Variants in ACOT6 observed in about 807,000 individuals in gnomAD.
ACOT6 encodes acyl-coenzyme A thioesterase 6.
ACOT6 carries 14 observed loss-of-function variants against 12.3 expected under a neutral mutation model. The ratio of observed to expected loss-of-function variants is 1.14; its 90% CI spans 0.75 to 1.78. The LOEUF is 1.78. ACOT6 is among the 40% of genes most tolerant of loss of function. The pLI, the probability that ACOT6 is intolerant of heterozygous loss-of-function variation, is 0.00. For synonymous variants in ACOT6, 218 were observed against 231.3 expected (o/e 0.94, Z 0.52); for missense variants, 523 against 551.8 (o/e 0.95, Z 0.52).
upstream of ACOT6, chr14:73,612,448 A>C (rs1890458219): frequency 1.6e-6 from 1 of 629,710 alleles, no homozygotes; most frequent in African/African-American, 1.9e-5. Context: ...CCTGTCCCCA[A>C]GTCCAACCAA....
chr14:73,618,906 G>A (rs1254718798), intron 2 of ACOT6, among the ~76,000 whole-genome samples: 5 of 152,126 alleles, frequency 3.3e-5, no homozygotes, highest in South Asian at 2.1e-4. Context: ...CAAGGCAGGC[G>A]GATCACTTGA....
Position 73,612,989 on chromosome 14 carries a change from C to T in ACOT6, c.418C>T (p.Arg140Cys), listed in dbSNP as rs1338527353. ...GCCGGGGGTGCGGCGCGAGCCGGTG[C>T]GCGCGGGCCCGGTGCGCGCCGCGCT... ...LRPGVRREPV[R>C]AGPVRAALFL... The change falls in exon 1 of 3, where the codon CGC (arginine) becomes TGC (cysteine). Residue 140 changes from arginine (R) to cysteine (C), a missense_variant. Around this residue, in one of 2 missense-constraint regions of ACOT6, gnomAD observed 304 missense variants for 274.8 expected, o/e 1.11. Coordinates refer to ENST00000645972, the MANE Select transcript of ACOT6 (RefSeq NM_001365788.1). The T allele has an allele frequency of 9.4e-7, 1 of 1,064,376 alleles. No homozygotes were observed. Among genetic ancestry groups the T allele is most frequent in the Admixed American group, 3.8e-5 (1 of 26,476 alleles). 65.9% of individuals were successfully genotyped at this position (1,064,376 alleles called of 1,614,324 possible).
chr14:73,616,810 T>C (rs1395472042), intron 1 of ACOT6, 184 bp from the exon 2 acceptor site: 4 of 519,120 alleles, frequency 7.7e-6, no homozygotes, highest in African/African-American at 1.9e-5. Context: ...CTGAGTAGTA[T>C]ACATTGTACC....
chr14:73,616,875 C>T (rs1890550258), intron 1 of ACOT6, 119 bp from the exon 2 acceptor site: 2 of 572,454 alleles, frequency 3.5e-6, no homozygotes, highest in South Asian at 4.8e-5. Flanking sequence ...GAAAATAAGA[C>T]ATTTTGTTCT....
In ACOT6 at chr14:73,619,350, C is replaced by G. The variant is rs751577124; in HGVS notation, c.777C>G (p.Ala259=). ...CTGTACTTATCAATGCCTGTGTAGC[C>G]AACACAGTAGCTCCTCTACATTACA... ...TATVLINACV[A]NTVAPLHYKD... The change falls in exon 3 of 3, where the codon GCC becomes GCG. Residue 259 remains alanine, a synonymous_variant. Transcript: ENST00000645972. The G allele has an allele frequency of 6.2e-7, 1 of 1,614,076 alleles. No individual in the cohort carries two copies. Among genetic ancestry groups the G allele is most frequent in the Non-Finnish European group, 8.5e-7 (1 of 1,180,038 alleles).
chr14:73,616,001 G>C lies in ACOT6; in HGVS notation c.462-993G>C, dbSNP rs537371964. 3.9e-5 allele frequency among the ~76,000 whole-genome samples: 6 copies of C among 152,232 alleles called. No individual in the cohort carries two copies. The South Asian group carries it at 6.2e-4, about 16-fold the overall frequency. On this transcript the variant is annotated intron_variant, in intron 1 of 2. Coordinates refer to ENST00000645972, the MANE Select transcript of ACOT6 (RefSeq NM_001365788.1). Reference sequence around the variant, plus strand: ...TTGAGCCCAAGGATTCAAGGTTACAGTGATCTACAGGCTACAGTGCAGTGG... The same window carrying C: ...TTGAGCCCAAGGATTCAAGGTTACACTGATCTACAGGCTACAGTGCAGTGG...
At chr14:73,616,735 G>A (rs1286807527) in intron 1 of ACOT6, 3 of 324,336 alleles carry the variant, frequency 9.2e-6, no homozygotes, top group Admixed American at 9.7e-5. Context: ...TGGTGTACAG[G>A]TGGTTTGGGG....
rs765582946 is a variant in ACOT6 at position 73,619,803 on chromosome 14, C to G, written c.1230C>G (p.Leu410=). Residue 410 remains leucine (L), a synonymous_variant, in exon 3 of 3, where the codon CTC becomes CTG. Transcript: ENST00000645972. The stretch of plus-strand genomic sequence containing the variant: ...TTCAAACTTTCTTCCATAAACATCT[C>G]AATGGTAAAAAATCTGTCAAGCACA... The part of the protein sequence containing the change: ...QQIQTFFHKH[L]NGKKSVKHSK... The G allele has an allele frequency of 6.2e-7, 1 of 1,608,756 alleles. No homozygotes were observed.
chr14:73,617,154 T>C lies in ACOT6; in HGVS notation c.622T>C (p.Phe208Leu). Reference protein sequence around the residue: ...EDLNDVHLEYFEEAVDFMLQH... With the variant: ...EDLNDVHLEYLEEAVDFMLQH... ...TCTGAATGATGTACATCTGGAGTACTTTGAAGAAGCCGTGGACTTTATGCT... is the reference window on the plus strand; with the variant it reads ...TCTGAATGATGTACATCTGGAGTACCTTGAAGAAGCCGTGGACTTTATGCT... Residue 208 changes from phenylalanine to leucine, a missense_variant, in exon 2 of 3, where the codon TTT (phenylalanine) becomes CTT (leucine). Physicochemically the swap from Phe to Leu is conservative, Grantham distance 22 (BLOSUM62 0). Around this residue, in one of 2 missense-constraint regions of ACOT6, gnomAD observed 219 missense variants for 277.0 expected, o/e 0.79. Coordinates refer to ENST00000645972, the MANE Select transcript of ACOT6 (RefSeq NM_001365788.1). 1 of 1,614,176 alleles carries C rather than the reference T, an allele frequency of 6.2e-7. No individual in the cohort carries two copies. Among genetic ancestry groups the C allele is most frequent in the Non-Finnish European group, 8.5e-7 (1 of 1,180,032 alleles).
Position 73,616,986 on chromosome 14 carries a change from C to T in ACOT6, c.462-8C>T, listed in dbSNP as rs1054320755. On this transcript the variant is annotated splice_region_variant and splice_polypyrimidine_tract_variant and intron_variant, in intron 1 of 2. Coordinates refer to ENST00000645972, the MANE Select transcript of ACOT6 (RefSeq NM_001365788.1). ...AGCTCCCTGTGATTTGTGATGTTCTCCAGGCAGGGGGCCCTTTCCTGGGAT... is the reference window on the plus strand; with the variant it reads ...AGCTCCCTGTGATTTGTGATGTTCTTCAGGCAGGGGGCCCTTTCCTGGGAT... The T allele has an allele frequency of 4.4e-6, 3 of 674,742 alleles. No individual in the cohort carries two copies. Among genetic ancestry groups the T allele is most frequent in the East Asian group, 2.5e-5 (1 of 39,230 alleles). 41.8% of individuals were successfully genotyped at this position (674,742 alleles called of 1,614,324 possible).
At position 73,619,639 on chromosome 14, in the gene ACOT6, C is replaced by G; in HGVS notation, c.1066C>G (p.Pro356Ala). Residue 356 changes from proline (P) to alanine (A), a missense_variant, in exon 3 of 3, where the codon CCA (proline) becomes GCA (alanine). Coordinates refer to ENST00000645972, the MANE Select transcript of ACOT6 (RefSeq NM_001365788.1). ...GKERPQIICY[P>A]ETGHCIDPPY... ...AGAAAGACCCCAGATAATCTGTTACCCAGAAACTGGTCACTGTATTGACCC... is the reference window on the plus strand; with the variant it reads ...AGAAAGACCCCAGATAATCTGTTACGCAGAAACTGGTCACTGTATTGACCC... 1 of 1,614,166 alleles carries G rather than the reference C, an allele frequency of 6.2e-7. No individual in the cohort carries two copies. The highest frequency in any genetic ancestry group is 1.3e-5 in the African/African-American group (1 of 75,054).
intron 1 of ACOT6, among the ~76,000 whole-genome samples, chr14:73,614,741 T>A (rs1261708805): frequency 1.1e-5 from 1 of 89,606 alleles, no homozygotes; most frequent in African/African-American, 5.2e-5. Context: ...AGCGAGACCC[T>A]GTCTCAAAAA....
upstream of ACOT6, chr14:73,611,685 C>A (rs1185411097): frequency 1.3e-5 from 2 of 152,150 alleles, no homozygotes; most frequent in Admixed American, 1.3e-4. Context: ...TTAATGGTCA[C>A]AATAAGCCTT....
rs766736087 is a variant in ACOT6 at position 73,619,418 on chromosome 14, T to C, written c.845T>C (p.Val282Ala). 1.2e-6 allele frequency: 2 copies of C among 1,614,176 alleles called. No individual in the cohort carries two copies. Among genetic ancestry groups the C allele is most frequent in the Non-Finnish European group, 1.7e-6 (2 of 1,180,034 alleles). Residue 282 changes from valine (V) to alanine (A), a missense_variant, in exon 3 of 3, where the codon GTA (valine) becomes GCA (alanine). Around this residue, in one of 2 missense-constraint regions of ACOT6, gnomAD observed 219 missense variants for 277.0 expected, o/e 0.79. Coordinates refer to ENST00000645972, the MANE Select transcript of ACOT6 (RefSeq NM_001365788.1). ...IPKLVDDLGK[V>A]KITKSGFLTF... ...AAACTTGTCGATGATCTAGGAAAAG[T>C]AAAAATCACTAAGTCAGGATTTCTC... is the stretch of plus-strand genomic sequence containing the variant.
Position 73,613,040 on chromosome 14 carries a change from G to T in ACOT6, c.461+8G>T. On this transcript the variant is annotated splice_region_variant and intron_variant, in intron 1 of 2. Transcript: ENST00000645972. The stretch of plus-strand genomic sequence containing the variant: ...CTTCCTGCCGCCGGATGAGTAGTCT[G>T]CCCAGAATTTGGTCGAGCTCTGCGA... 1.3e-6 allele frequency: 1 copy of T among 774,356 alleles called. No homozygotes were observed. The highest frequency in any genetic ancestry group is 1.9e-6 in the Non-Finnish European group (1 of 528,488). 48.0% of individuals were successfully genotyped at this position (774,356 alleles called of 1,614,324 possible).
At chr14:73,618,098 A>G (rs1890570767) in intron 2 of ACOT6, among the ~76,000 whole-genome samples, 1 of 152,084 alleles carries the variant, frequency 6.6e-6, no homozygotes, top group African/African-American at 2.4e-5. Flanking sequence ...AGTCGAGATT[A>G]CACCATTGCA....
intron 2 of ACOT6, among the ~76,000 whole-genome samples, chr14:73,617,515 G>A (rs1413264729): frequency 1.3e-5 from 2 of 152,068 alleles, no homozygotes; most frequent in East Asian, 3.9e-4. Flanking sequence ...AATCCCTGAA[G>A]ACTTGACTAT....
At chr14:73,615,211 C>T (rs551331704) in intron 1 of ACOT6, among the ~76,000 whole-genome samples, 1 of 149,250 alleles carries the variant, frequency 6.7e-6, no homozygotes, top group Non-Finnish European at 1.5e-5. Context: ...GATGGTGAAA[C>T]CCTGTCTCTA....
In ACOT6 at chr14:73,619,753, G is replaced by T. The variant is rs768350756; in HGVS notation, c.1180G>T (p.Ala394Ser). ...YGGEPKAHSK[A>S]QVDAWQQIQT... The stretch of plus-strand genomic sequence containing the variant: ...AGGTGAGCCAAAGGCTCACTCAAAG[G>T]CACAGGTAGATGCCTGGCAGCAAAT... Residue 394 changes from alanine to serine, a missense_variant, in exon 3 of 3, where the codon GCA becomes TCA. By Grantham distance (99) the Ala-to-Ser change is moderately conservative. Coordinates refer to ENST00000645972, the MANE Select transcript of ACOT6 (RefSeq NM_001365788.1). 1 of 1,613,694 alleles carries T rather than the reference G, an allele frequency of 6.2e-7. No homozygotes were observed. The highest frequency in any genetic ancestry group is 1.1e-5 in the South Asian group (1 of 90,952).
Sources: allele counts gnomAD v4.1 joint callset (sites outside exome capture counted in the v4.1 genomes callset), GRCh38; gene constraint gnomAD v4.1.1; regional missense constraint gnomAD v4.1.1; transcripts MANE v1.5; gene names NCBI Gene and HGNC (gene_info 2026-07-23, HGNC 2026-07-21).